MRPS10: variants seen among roughly 807,000 people sequenced by gnomAD.
The protein encoded by MRPS10 is small ribosomal subunit protein uS10m.
In MRPS10, 23 loss-of-function variants were observed where a neutral mutation model predicts 27.5. The observed-to-expected ratio is 0.84, with a 90% CI of 0.60 to 1.18. The LOEUF (loss-of-function observed/expected upper bound fraction) is 1.18, where lower values mean the gene tolerates loss of function less well. Ranked by LOEUF, MRPS10 falls within the 50% of genes most tolerant of loss-of-function variation. The pLI, the probability that MRPS10 is intolerant of heterozygous loss-of-function variation, is 0.00. For missense variants in MRPS10, 237 were observed against 240.1 expected (o/e 0.99, Z 0.09); for synonymous variants, 88 against 84.2 (o/e 1.04, Z -0.25).
chr6:42,214,240 C>T, intron 2 of MRPS10, 40 bp downstream of exon 2: 11 of 1,604,550 alleles, frequency 6.9e-6, no homozygotes, highest in Non-Finnish European at 9.4e-6. Flanking sequence ...AGCACAAGAA[C>T]CTATTTTGTT....
At chr6:42,216,175 C>T (rs975168140) in intron 1 of MRPS10, among the ~76,000 whole-genome samples, 3 of 151,392 alleles carry the variant, frequency 2.0e-5, no homozygotes, top group East Asian at 4.0e-4. Flanking sequence ...AGGGGCCCAC[C>T]GCCACACTCA....
rs115158405 is a variant in MRPS10 at position 42,209,735 on chromosome 6, G to A, written c.432+753C>T. On this transcript the variant is annotated intron_variant, in intron 5 of 6. Coordinates refer to ENST00000053468, the MANE Select transcript of MRPS10 (RefSeq NM_018141.4). Reference sequence around the variant, plus strand: ...ACTCCAGCCTAGGTGGTGACAGAGTGAGACTCTATCTCAAAAAAAAAAAAA... The same window carrying A: ...ACTCCAGCCTAGGTGGTGACAGAGTAAGACTCTATCTCAAAAAAAAAAAAA... Among the ~76,000 whole-genome samples the A allele has an allele frequency of 9.3e-3, 1,014 of 109,606 alleles. 12 individuals are homozygous for A. The highest frequency in any genetic ancestry group is 0.034 in the African/African-American group (941 of 27,480). 71.9% of individuals were successfully genotyped at this position (109,606 alleles called of 152,430 possible). A position where few individuals can be genotyped will look rare whatever the true frequency, so the allele number is the denominator to read the frequency against.
At chr6:42,208,418 T>A (rs1239108198) in intron 6 of MRPS10, 46 bp from the exon 7 acceptor site, 1 of 1,357,396 alleles carries the variant, frequency 7.4e-7, no homozygotes, top group Admixed American at 2.0e-5. Context: ...TTAACAGAAC[T>A]CTTTGACTAC....
intron 4 of MRPS10, among the ~76,000 whole-genome samples, chr6:42,211,031 GT>G (rs1359385064): frequency 6.6e-6 from 1 of 152,218 alleles, no homozygotes; most frequent in Non-Finnish European, 1.5e-5. Flanking sequence ...GTGGCCTTCT[GT>G]TTTTGTCAGA....
chr6:42,206,897 T>C lies in MRPS10; in HGVS notation c.*1392A>G, dbSNP rs1562069887. On this transcript the variant is annotated 3_prime_UTR_variant, in exon 7 of 7. Transcript: ENST00000053468. The stretch of plus-strand genomic sequence containing the variant: ...AGTATGTATTCAACACACTGATACC[T>C]GATAGCATGTCAGGAAAAAAGAATA... 1 of 152,092 alleles carries C rather than the reference T, an allele frequency of 6.6e-6. No individual in the cohort carries two copies. Among genetic ancestry groups the C allele is most frequent in the Non-Finnish European group, 1.5e-5 (1 of 68,026 alleles). The allele number at this position is 152,092 out of a possible 1,614,324, so 9.4% of individuals were successfully genotyped here.
intron 1 of MRPS10, among the ~76,000 whole-genome samples, chr6:42,215,573 C>A (rs138242262): frequency 6.6e-6 from 1 of 151,860 alleles, no homozygotes; most frequent in Non-Finnish European, 1.5e-5. Context: ...ACTACAGGCA[C>A]GGGCCACCAG....
At chr6:42,213,821 T>TC (rs1242713961) in intron 3 of MRPS10, among the ~76,000 whole-genome samples, 10 of 152,158 alleles carry the variant, frequency 6.6e-5, no homozygotes, top group Non-Finnish European at 1.2e-4. Flanking sequence ...ATAACATAAA[T>TC]CAAGTATTCT....
At chr6:42,216,838 G>A (rs1768955709) in intron 1 of MRPS10, among the ~76,000 whole-genome samples, 2 of 152,042 alleles carry the variant, frequency 1.3e-5, no homozygotes, top group East Asian at 1.9e-4. Context: ...CAAAAACGGT[G>A]GTCTCAAAGT....
chr6:42,216,383 A>AGT (rs763994848), intron 1 of MRPS10, among the ~76,000 whole-genome samples: 13 of 46,232 alleles, frequency 2.8e-4, no homozygotes, highest in Admixed American at 5.3e-4. Context: ...AGAGAGAGAG[A>AGT]GAGTGTGTGT....
At chr6:42,216,026 C>CTTTTTTTTTTTTTTTCT (rs1768918371) in intron 1 of MRPS10, among the ~76,000 whole-genome samples, 2 of 56,976 alleles carry the variant, frequency 3.5e-5, no homozygotes, top group Admixed American at 2.3e-4. Flanking sequence ...TTTTTCTTTT[C>CTTTTTTTTTTTTTTTCT]TTTTTTTTTT....
In MRPS10 at chr6:42,208,331, G is replaced by C; in HGVS notation, c.564C>G (p.Ile188Met). Residue 188 changes from isoleucine (I) to methionine (M), a missense_variant, in exon 7 of 7, where the codon ATC becomes ATG. Coordinates refer to ENST00000053468, the MANE Select transcript of MRPS10 (RefSeq NM_018141.4). ...CTTTTTCTTCTGATAGTGTTTCCCA[G>C]ATTGGCTCCTTGATGTGTTCTGGTA... ...EQLPEHIKEPIWETLSEEKEE... is the reference protein window; with the variant it reads ...EQLPEHIKEPMWETLSEEKEE... 1 of 1,612,906 alleles carries C rather than the reference G, an allele frequency of 6.2e-7. No homozygotes were observed. The highest frequency in any genetic ancestry group is 2.2e-5 in the East Asian group (1 of 44,850).
chr6:42,207,418 C>A lies in MRPS10; in HGVS notation c.*871G>T, dbSNP rs1381366734. 1 of 152,106 alleles carries A rather than the reference C, an allele frequency of 6.6e-6. No individual in the cohort carries two copies. The highest frequency in any genetic ancestry group is 1.5e-5 in the Non-Finnish European group (1 of 68,060). The allele number at this position is 152,106 out of a possible 1,614,324, so 9.4% of individuals were successfully genotyped here. On this transcript the variant is annotated 3_prime_UTR_variant, in exon 7 of 7. Transcript: ENST00000053468. Reference sequence around the variant, plus strand: ...TGTATTTTTATTAGAGACGGGGTTTCACCGTGTTAGCCAGGATGGTCTGGA... The same window carrying A: ...TGTATTTTTATTAGAGACGGGGTTTAACCGTGTTAGCCAGGATGGTCTGGA...
At chr6:42,212,147 A>C (rs1255672228) in intron 3 of MRPS10, among the ~76,000 whole-genome samples, 1 of 152,232 alleles carries the variant, frequency 6.6e-6, no homozygotes, top group Admixed American at 6.5e-5. Flanking sequence ...TTTTCAAGGC[A>C]ACCCACAAAA....
chr6:42,213,275 C>T (rs1403956247), intron 3 of MRPS10, among the ~76,000 whole-genome samples: 1 of 152,012 alleles, frequency 6.6e-6, no homozygotes, highest in Non-Finnish European at 1.5e-5. Flanking sequence ...ATGGGAAAAC[C>T]CCATTTCTAC....
chr6:42,217,345 G>A (rs1217395336), intron 1 of MRPS10, among the ~76,000 whole-genome samples: 1 of 152,158 alleles, frequency 6.6e-6, no homozygotes, highest in Non-Finnish European at 1.5e-5. Flanking sequence ...AAATAACTGC[G>A]CAGAGGATAT....
At chr6:42,214,481 T>C (rs955514611) in intron 1 of MRPS10, 137 bp from the exon 2 acceptor site, 6 of 494,730 alleles carry the variant, frequency 1.2e-5, no homozygotes, top group African/African-American at 8.7e-5. Flanking sequence ...CCAAATTAGA[T>C]TGAAAAAAAA....
In MRPS10 at chr6:42,211,866, C is replaced by G; in HGVS notation, c.238G>C (p.Val80Leu). The change falls in exon 4 of 7, where the codon GTG becomes CTG. Residue 80 changes from valine (V) to leucine (L), a missense_variant. Around this residue, in one of 3 missense-constraint regions of MRPS10, gnomAD observed 164 missense variants for 137.8 expected, o/e 1.19. Coordinates refer to ENST00000053468, the MANE Select transcript of MRPS10 (RefSeq NM_018141.4). ...AATACAGCCTTATCGTGACCTTTCACCAAAACCGAGAGGCGCTTATATAAT... is the reference window on the plus strand; with the variant it reads ...AATACAGCCTTATCGTGACCTTTCAGCAAAACCGAGAGGCGCTTATATAAT... ...DILYKRLSVLVKGHDKAVLDS... is the reference protein window; with the variant it reads ...DILYKRLSVLLKGHDKAVLDS... 1 of 1,613,988 alleles carries G rather than the reference C, an allele frequency of 6.2e-7. No homozygotes were observed.
At chr6:42,208,712 C>T (rs907866709) in intron 6 of MRPS10, 146 bp downstream of exon 6, 4 of 622,110 alleles carry the variant, frequency 6.4e-6, no homozygotes, top group Admixed American at 3.4e-5. Flanking sequence ...AGCCCCCAAC[C>T]GCTGTGGCAA....
At chr6:42,208,535 T>C (rs1346007398) in intron 6 of MRPS10, among the ~76,000 whole-genome samples, 163 bp from the exon 7 acceptor site, 1 of 152,234 alleles carries the variant, frequency 6.6e-6, no homozygotes, top group Non-Finnish European at 1.5e-5. Flanking sequence ...TGATGGTCTA[T>C]AAAACACTCT....
Sources: gnomAD v4.1 joint callset for allele counts (sites outside exome capture counted in the v4.1 genomes callset) on GRCh38, gnomAD v4.1.1 for gene constraint, gnomAD v4.1.1 regional missense constraint, MANE v1.5 for transcripts, NCBI Gene and HGNC (gene_info 2026-07-23, HGNC 2026-07-21) for gene names.